The following TCERG1L variants were observed in gnomAD, a reference collection of about 807,000 sequenced individuals.
TCERG1L encodes the protein transcription elongation regulator 1 like.
A neutral mutation model predicts 56.3 loss-of-function variants in TCERG1L; 37 were observed. That is an observed-to-expected ratio of 0.66 (90% CI 0.51 to 0.87). The LOEUF (loss-of-function observed/expected upper bound fraction) is 0.87, where lower values mean the gene tolerates loss of function less well. TCERG1L is among the 40% of genes least tolerant of loss of function. TCERG1L has a pLI of 0.00. For missense variants in TCERG1L, 799 were observed against 774.2 expected (o/e 1.03, Z -0.38); for synonymous variants, 324 against 326.3 (o/e 0.99, Z 0.08).
At chr10:131,287,358 A>G (rs1317384851) in intron 3 of TCERG1L, among the ~76,000 whole-genome samples, 3 of 152,204 alleles carry the variant, frequency 2.0e-5, no homozygotes, top group Non-Finnish European at 4.4e-5. Context: ...TGGCAAATTG[A>G]TTCATTATTT....
At chr10:131,251,055 C>T (rs1054529484) in intron 4 of TCERG1L, among the ~76,000 whole-genome samples, 2 of 152,170 alleles carry the variant, frequency 1.3e-5, no homozygotes, top group African/African-American at 2.4e-5. Context: ...AACATCATCA[C>T]GCTCTCAGGC....
intron 6 of TCERG1L, among the ~76,000 whole-genome samples, chr10:131,154,746 G>A (rs1043972231): frequency 9.2e-5 from 14 of 152,174 alleles, no homozygotes; most frequent in African/African-American, 3.1e-4. Flanking sequence ...CAGCCCAGCC[G>A]TGTCTGGCCA....
intron 4 of TCERG1L, among the ~76,000 whole-genome samples, chr10:131,210,040 T>C (rs550334142): frequency 9.2e-5 from 14 of 152,248 alleles, no homozygotes; most frequent in African/African-American, 2.6e-4. Context: ...CTTACAAAAA[T>C]GAATGTTTTT....
At chr10:131,288,535 C>G (rs1846571893) in intron 3 of TCERG1L, among the ~76,000 whole-genome samples, 1 of 152,186 alleles carries the variant, frequency 6.6e-6, no homozygotes, top group South Asian at 2.1e-4. Flanking sequence ...CTCCACCCCA[C>G]TATCAACAGG....
chr10:131,279,750 A>G (rs944853858), intron 3 of TCERG1L, among the ~76,000 whole-genome samples: 1 of 152,146 alleles, frequency 6.6e-6, no homozygotes. Context: ...TCCCCTAAAC[A>G]TCTGTAGGGA....
At chr10:131,268,788 C>T (rs1846310032) in intron 3 of TCERG1L, among the ~76,000 whole-genome samples, 1 of 152,224 alleles carries the variant, frequency 6.6e-6, no homozygotes, top group Non-Finnish European at 1.5e-5. Context: ...CTGCTGCTTC[C>T]TCACCTCTCT....
chr10:131,201,015 G>T (rs1048983542), intron 4 of TCERG1L, among the ~76,000 whole-genome samples: 20 of 152,248 alleles, frequency 1.3e-4, no homozygotes, highest in Non-Finnish European at 2.6e-4. Context: ...CAGAATCACG[G>T]CGCCATCTTG....
chr10:131,147,526 G>A (rs952395125), intron 6 of TCERG1L, among the ~76,000 whole-genome samples: 40 of 152,236 alleles, frequency 2.6e-4, no homozygotes, highest in African/African-American at 8.9e-4. Context: ...CCTAAGTCGT[G>A]TCAGGGTGCT....
rs187580241 is a variant in TCERG1L, at chr10:131,111,563, A to G, written c.1395+5236T>C. 1.4e-5 allele frequency among the ~76,000 whole-genome samples: 2 copies of G among 142,918 alleles called. 1 individual carries two copies. Among genetic ancestry groups the G allele is most frequent in the Non-Finnish European group, 3.2e-5 (2 of 63,442 alleles). The allele number at this position is 142,918 out of a possible 152,430, so 93.8% of individuals were successfully genotyped here. A position where few individuals can be genotyped will look rare whatever the true frequency, so the allele number is the denominator to read the frequency against. ...GAGGTGATTTTTCCTTCTGGCTTTT[A>G]TGAGTGCAAACGTCCTAAGGAAGGA... On this transcript the variant is annotated intron_variant, in intron 9 of 11. Transcript: ENST00000368642.
intron 4 of TCERG1L, among the ~76,000 whole-genome samples, chr10:131,213,288 C>T (rs1411999322): frequency 4.6e-5 from 7 of 152,236 alleles, no homozygotes; most frequent in South Asian, 4.1e-4. Flanking sequence ...AGAACCCACA[C>T]CTGCACCCAG....
At chr10:131,291,549 C>G (rs1305589281) in intron 3 of TCERG1L, among the ~76,000 whole-genome samples, 9 of 150,202 alleles carry the variant, frequency 6.0e-5, no homozygotes, top group African/African-American at 2.2e-4. Flanking sequence ...GCCTCAGCCT[C>G]CCAAGTAGCT....
At chr10:131,226,368 T>A (rs1845791239) in intron 4 of TCERG1L, among the ~76,000 whole-genome samples, 2 of 152,218 alleles carry the variant, frequency 1.3e-5, no homozygotes, top group African/African-American at 4.8e-5. Flanking sequence ...TGAGCCTCCA[T>A]GCCCGGCTAC....
At chr10:131,202,415 C>A (rs1408058955) in intron 4 of TCERG1L, among the ~76,000 whole-genome samples, 1 of 152,064 alleles carries the variant, frequency 6.6e-6, no homozygotes, top group African/African-American at 2.4e-5. Context: ...AACCCCATTA[C>A]CACTAAAAAT....
At chr10:131,222,747 C>T (rs1162412822) in intron 4 of TCERG1L, among the ~76,000 whole-genome samples, 2 of 152,146 alleles carry the variant, frequency 1.3e-5, no homozygotes, top group Non-Finnish European at 2.9e-5. Context: ...CCTGTCTGGC[C>T]CCTTCCTGTC....
chr10:131,285,288 G>C (rs867600867), intron 3 of TCERG1L, among the ~76,000 whole-genome samples: 1 of 151,614 alleles, frequency 6.6e-6, no homozygotes, highest in African/African-American at 2.4e-5. Context: ...TGAGGCAGGA[G>C]AATCACTTGA....
At chr10:131,098,520 T>G (rs1047940516) in intron 10 of TCERG1L, 96 bp from the exon 11 acceptor site, 1 of 1,435,232 alleles carries the variant, frequency 7.0e-7, no homozygotes, top group African/African-American at 1.4e-5. Flanking sequence ...AGCAAGAATC[T>G]ATGGCAAAAG....
intron 8 of TCERG1L, among the ~76,000 whole-genome samples, chr10:131,123,899 C>G (rs999267713): frequency 1.3e-5 from 2 of 148,246 alleles, no homozygotes; most frequent in African/African-American, 2.4e-5. Flanking sequence ...AAGACTGCCC[C>G]GTGACGATTT....
chr10:131,153,655 G>A (rs961287684), intron 6 of TCERG1L, among the ~76,000 whole-genome samples: 1 of 152,336 alleles, frequency 6.6e-6, no homozygotes, highest in Middle Eastern at 3.4e-3. Context: ...GCCTCAGGAT[G>A]CACTGACTCT....
At chr10:131,170,407 G>A (rs1308935083) in intron 4 of TCERG1L, among the ~76,000 whole-genome samples, 1 of 152,106 alleles carries the variant, frequency 6.6e-6, no homozygotes, top group East Asian at 1.9e-4. Flanking sequence ...GGGCGCTAAA[G>A]TACTTCGGGG....
Sources: allele counts gnomAD v4.1 joint callset (sites outside exome capture counted in the v4.1 genomes callset), GRCh38; gene constraint gnomAD v4.1.1; transcripts MANE v1.5; gene names NCBI Gene and HGNC (gene_info 2026-07-23, HGNC 2026-07-21).